Variants in TRANK1 observed in about 807,000 individuals in gnomAD.
TRANK1 encodes TPR and ankyrin repeat-containing protein 1.
Under a neutral mutation model 266.0 loss-of-function variants are expected in TRANK1, and 198 were observed. The ratio of observed to expected loss-of-function variants is 0.74; its 90% CI spans 0.66 to 0.84. The LOEUF (loss-of-function observed/expected upper bound fraction) is 0.84, where lower values mean the gene tolerates loss of function less well. TRANK1 is among the 40% of genes least tolerant of loss of function. The probability of loss-of-function intolerance (pLI) is 0.00; values close to 1 mark genes in which losing one functional copy is unlikely to be tolerated. For synonymous variants in TRANK1, 1,396 were observed against 1,384.1 expected (o/e 1.01, Z -0.19); for missense variants, 3,326 against 3,634.6 (o/e 0.92, Z 2.18).
At chr3:36,842,576 G>A in intron 18 of TRANK1, 46 bp downstream of exon 18, 1 of 1,553,036 alleles carries the variant, frequency 6.4e-7, no homozygotes, top group Non-Finnish European at 8.9e-7. Context: ...TGTGAGGTCT[G>A]ACGAGGGCAC....
At chr3:36,915,172 A>C (rs1298180531) in intron 1 of TRANK1, among the ~76,000 whole-genome samples, 4 of 151,950 alleles carry the variant, frequency 2.6e-5, no homozygotes, top group South Asian at 4.1e-4. Flanking sequence ...AGGATGGTCT[A>C]AATCTCCTGA....
chr3:36,872,565 CAA>C (rs1191775964), intron 9 of TRANK1, among the ~76,000 whole-genome samples: 4 of 151,820 alleles, frequency 2.6e-5, no homozygotes, highest in Non-Finnish European at 5.9e-5. Context: ...AAGAAACAAT[CAA>C]AAGAGTTCTA....
chr3:36,839,400 C>A (rs2078813002), intron 18 of TRANK1, among the ~76,000 whole-genome samples: 1 of 152,202 alleles, frequency 6.6e-6, no homozygotes, highest in South Asian at 2.1e-4. Context: ...TTCTGCCCAG[C>A]ATGTACACAT....
At chr3:36,868,877 GAT>G (rs2079264705) in intron 9 of TRANK1, among the ~76,000 whole-genome samples, 1 of 152,176 alleles carries the variant, frequency 6.6e-6, no homozygotes, top group Non-Finnish European at 1.5e-5. Flanking sequence ...GGACCAGAAA[GAT>G]AAGGATTCAG....
intron 1 of TRANK1, among the ~76,000 whole-genome samples, chr3:36,943,360 A>G (rs1049292613): frequency 1.2e-4 from 19 of 152,142 alleles, no homozygotes; most frequent in African/African-American, 4.1e-4. Flanking sequence ...CATTATATAC[A>G]TATAGGTGGG....
intron 17 of TRANK1, among the ~76,000 whole-genome samples, chr3:36,845,618 T>C (rs1368840249): frequency 6.6e-6 from 1 of 152,272 alleles, no homozygotes; most frequent in East Asian, 1.9e-4. Flanking sequence ...TTATAAATTA[T>C]ATCATTCTAC....
intron 20 of TRANK1, among the ~76,000 whole-genome samples, chr3:36,835,246 G>A (rs2078753443): frequency 6.8e-6 from 1 of 146,640 alleles, no homozygotes; most frequent in Non-Finnish European, 1.5e-5. Flanking sequence ...GTGAACCCGG[G>A]AGGCGGAGCT....
chr3:36,849,941 G>T, intron 15 of TRANK1: 1 of 802,062 alleles, frequency 1.2e-6, no homozygotes, highest in Non-Finnish European at 1.5e-6. Flanking sequence ...TTTAGTTTCA[G>T]GCAACTCCCT....
intron 23 of TRANK1, among the ~76,000 whole-genome samples, chr3:36,828,990 C>A (rs1395225941): frequency 6.6e-6 from 1 of 152,020 alleles, no homozygotes; most frequent in Non-Finnish European, 1.5e-5. Context: ...CTGGAATGGG[C>A]AAAAGAAAAA....
At chr3:36,844,996 G>A (rs547523019) in intron 17 of TRANK1, among the ~76,000 whole-genome samples, 30 of 151,860 alleles carry the variant, frequency 2.0e-4, no homozygotes, top group African/African-American at 5.3e-4. Flanking sequence ...CTCAGTTATC[G>A]TATCAGGAGA....
Position 36,857,340 on chromosome 3 carries a change from G to A in TRANK1, c.2382C>T (p.Gly794=), listed in dbSNP as rs1366640295. The change falls in exon 13 of 24, where the codon GGC becomes GGT. Residue 794 remains glycine, a synonymous_variant. Coordinates refer to ENST00000645898, the MANE Select transcript of TRANK1 (RefSeq NM_001329998.2). This position sits in a 1 kb window ranked among gnomAD's most constrained non-coding sequence, Gnocchi z 4.3. The stretch of plus-strand genomic sequence containing the variant: ...CAGGCACAAGCTGCAAGGCCCCAAG[G>A]CCCACCTGAGCATGTCCTTCCCCCA... ...SEVGEGHAQV[G]LGALQLVPDD... 1 of 1,607,334 alleles carries A rather than the reference G, an allele frequency of 6.2e-7. No individual in the cohort carries two copies. The highest frequency in any genetic ancestry group is 1.7e-5 in the Admixed American group (1 of 59,430).
Position 36,846,347 on chromosome 3 carries a change from G to A in TRANK1, c.5092C>T (p.Leu1698Phe), listed in dbSNP as rs755449162. The change falls in exon 17 of 24, where the codon CTC (leucine) becomes TTC (phenylalanine). Residue 1698 changes from leucine (L) to phenylalanine (F), a missense_variant. Physicochemically the swap from Leu to Phe is conservative, Grantham distance 22. Coordinates refer to ENST00000645898, the MANE Select transcript of TRANK1 (RefSeq NM_001329998.2). ...TCTCGGTTTTCATCAAAGATCCAGA[G>A]GTTGACCCGAGCCCGTGTGATGGCG... Reference protein sequence around the residue: ...YTAITRARVNLWIFDENREKR... With the variant: ...YTAITRARVNFWIFDENREKR... 2 of 1,613,866 alleles carry A rather than the reference G, an allele frequency of 1.2e-6. No homozygotes were observed. Among genetic ancestry groups the A allele is most frequent in the South Asian group, 2.2e-5 (2 of 91,060 alleles).
chr3:36,834,133 A>G (rs994532215), intron 21 of TRANK1, among the ~76,000 whole-genome samples: 1 of 152,248 alleles, frequency 6.6e-6, no homozygotes, highest in Admixed American at 6.5e-5. Flanking sequence ...TTATGCTTCA[A>G]TCAGGAATTG....
rs1050233810 is a variant in TRANK1 at position 36,913,557 on chromosome 3, A to T, written c.24-5103T>A. The stretch of plus-strand genomic sequence containing the variant: ...AAAGTGACTCTTTCCTCTTCCCCGC[A>T]GGAAGGGTGCCACAGACAGTCAAGG... On this transcript the variant is annotated intron_variant, in intron 1 of 23. Transcript: ENST00000645898. 2.0e-5 allele frequency among the ~76,000 whole-genome samples: 3 copies of T among 151,186 alleles called. No homozygotes were observed. The South Asian group carries it at 6.3e-4, about 32-fold the overall frequency.
chr3:36,845,040 G>C (rs1274363490), intron 17 of TRANK1, among the ~76,000 whole-genome samples: 1 of 145,800 alleles, frequency 6.9e-6, no homozygotes, highest in East Asian at 2.2e-4. Context: ...TGCAAATTAT[G>C]AAAAAAAAAT....
chr3:36,920,883 T>G (rs1295584159), intron 1 of TRANK1, among the ~76,000 whole-genome samples: 1 of 152,216 alleles, frequency 6.6e-6, no homozygotes, highest in East Asian at 1.9e-4. Context: ...TTGTGTAATT[T>G]TCTTATTGGA....
At chr3:36,837,440 G>A (rs989099046) in intron 20 of TRANK1, among the ~76,000 whole-genome samples, 10 of 152,140 alleles carry the variant, frequency 6.6e-5, no homozygotes, top group Non-Finnish European at 1.5e-4. Context: ...AGGGTGCTCT[G>A]AGGATCCCAT....
chr3:36,919,598 C>T (rs2080186753), intron 1 of TRANK1, among the ~76,000 whole-genome samples: 1 of 152,150 alleles, frequency 6.6e-6, no homozygotes, highest in African/African-American at 2.4e-5. Context: ...CTGTATATGT[C>T]TTTCAGTGAG....
At chr3:36,870,309 A>G (rs575468676) in intron 9 of TRANK1, among the ~76,000 whole-genome samples, 1 of 152,264 alleles carries the variant, frequency 6.6e-6, no homozygotes, top group South Asian at 2.1e-4. Context: ...TGGGAGGCTG[A>G]GGCAGGAGAA....
Sources: allele counts gnomAD v4.1 joint callset (sites outside exome capture counted in the v4.1 genomes callset), GRCh38; gene constraint gnomAD v4.1.1; non-coding constraint Gnocchi (gnomAD v3.1); transcripts MANE v1.5; gene names NCBI Gene and HGNC (gene_info 2026-07-23, HGNC 2026-07-21).